The following ZNF169 variants were observed in gnomAD, a reference collection of about 807,000 sequenced individuals.
ZNF169 encodes the protein zinc finger protein 169.
Under a neutral mutation model 12.0 loss-of-function variants are expected in ZNF169, and 11 were observed. The ratio of observed to expected loss-of-function variants is 0.92; its 90% CI spans 0.58 to 1.52. The LOEUF (loss-of-function observed/expected upper bound fraction) is 1.52, where lower values mean the gene tolerates loss of function less well. Among genes scored for constraint, ZNF169 ranks in the 40% most tolerant of loss-of-function variants. ZNF169 has a pLI of 0.00. For missense variants in ZNF169, 722 were observed against 744.0 expected (o/e 0.97, Z 0.34); for synonymous variants, 302 against 286.5 (o/e 1.05, Z -0.55).
In ZNF169 at chr9:94,292,424, C is replaced by T. The variant is rs1318075208; in HGVS notation, c.117C>T (p.Tyr39=). The T allele has an allele frequency of 6.2e-7, 1 of 1,614,138 alleles. No homozygotes were observed. Among genetic ancestry groups the T allele is most frequent in the Non-Finnish European group, 8.5e-7 (1 of 1,180,010 alleles). The change falls in exon 3 of 5, where the codon TAC becomes TAT. Residue 39 remains tyrosine (Y), a synonymous_variant. Coordinates refer to ENST00000395395, the MANE Select transcript of ZNF169 (RefSeq NM_194320.4). ...KLLSSAQRTL[Y]REVMLENYSH... is the part of the protein sequence containing the mutation. ...TGAGTTCTGCTCAGAGGACCCTGTA[C>T]AGGGAGGTGATGCTGGAGAACTACA...
chr9:94,276,614 G>C (rs556389008), intron 1 of ZNF169, among the ~76,000 whole-genome samples: 14 of 151,918 alleles, frequency 9.2e-5, no homozygotes, highest in Non-Finnish European at 1.8e-4. Flanking sequence ...GGGTTGTCTT[G>C]AACTCCTGAC....
At chr9:94,288,128 A>C in intron 2 of ZNF169, 1 of 823,818 alleles carries the variant, frequency 1.2e-6, no homozygotes. Flanking sequence ...CCAGCACCAG[A>C]GCACCCTGGA....
At chr9:94,277,986 T>C (rs1830556089) in intron 1 of ZNF169, among the ~76,000 whole-genome samples, 1 of 151,884 alleles carries the variant, frequency 6.6e-6, no homozygotes, top group African/African-American at 2.4e-5. Flanking sequence ...CCTAACACCA[T>C]TAACAATAAT....
chr9:94,297,895 G>T (rs574622987), intron 4 of ZNF169, among the ~76,000 whole-genome samples: 3 of 152,090 alleles, frequency 2.0e-5, no homozygotes, highest in Admixed American at 2.0e-4. Flanking sequence ...GGCTGGGCGC[G>T]GTGGCTCACG....
Position 94,301,331 on chromosome 9 carries a change from C to T in ZNF169, c.1773C>T (p.Thr591=). The T allele has an allele frequency of 6.2e-7, 1 of 1,613,966 alleles. No individual in the cohort carries two copies. Among genetic ancestry groups the T allele is most frequent in the Non-Finnish European group, 8.5e-7 (1 of 1,179,902 alleles). Reference sequence around the variant, plus strand: ...CTCACTTGCATAGACACAGGAGGACCAAGTCTGGTCATCAGCTCCTACCCC... The same window carrying T: ...CTCACTTGCATAGACACAGGAGGACTAAGTCTGGTCATCAGCTCCTACCCC... ...QKSHLHRHRR[T]KSGHQLLPQE... Residue 591 remains threonine (T), a synonymous_variant, in exon 5 of 5, where the codon ACC becomes ACT. Coordinates refer to ENST00000395395, the MANE Select transcript of ZNF169 (RefSeq NM_194320.4).
chr9:94,281,507 A>G (rs775225119), intron 2 of ZNF169, among the ~76,000 whole-genome samples: 12 of 152,222 alleles, frequency 7.9e-5, no homozygotes, highest in Non-Finnish European at 1.8e-4. Context: ...TATTTTGCCA[A>G]GGTTGAGGAT....
chr9:94,297,167 G>C (rs1431839028), intron 4 of ZNF169, among the ~76,000 whole-genome samples: 1 of 149,798 alleles, frequency 6.7e-6, no homozygotes, highest in Non-Finnish European at 1.5e-5. Flanking sequence ...TAACAAAAAT[G>C]CCTGCTGAGA....
intron 1 of ZNF169, among the ~76,000 whole-genome samples, chr9:94,277,931 C>CAAAAAA: frequency 1.2e-5 from 1 of 86,596 alleles, no homozygotes; most frequent in Non-Finnish European, 2.4e-5. Context: ...GACTCCGACT[C>CAAAAAA]AAAAAAAAAA....
intron 2 of ZNF169, among the ~76,000 whole-genome samples, chr9:94,291,689 G>A (rs549547195): frequency 1.2e-4 from 19 of 152,280 alleles, no homozygotes; most frequent in African/African-American, 4.6e-4. Flanking sequence ...TATGGTCACT[G>A]AAGTTAAAAT....
chr9:94,293,285 G>T (rs896646577), intron 4 of ZNF169: 3 of 598,716 alleles, frequency 5.0e-6, no homozygotes, highest in Non-Finnish European at 3.0e-6. Context: ...CCATCAGGGA[G>T]CCTCACTCCT....
At chr9:94,295,844 C>G (rs902176853) in intron 4 of ZNF169, 1 of 152,066 alleles carries the variant, frequency 6.6e-6, no homozygotes, top group South Asian at 2.1e-4. Context: ...TTTAAGCATG[C>G]AAGTTTTTGT....
Position 94,264,698 on chromosome 9 carries a change from G to A in ZNF169, c.-56+5353G>A, listed in dbSNP as rs554186085. Among the ~76,000 whole-genome samples the A allele has an allele frequency of 5.3e-5, 8 of 152,120 alleles. No individual in the cohort carries two copies. The South Asian group carries it at 6.2e-4, about 12-fold the overall frequency. On this transcript the variant is annotated intron_variant, in intron 1 of 4. Transcript: ENST00000395395. ...ATCACAACTCTTAAGTGTACAATTC[G>A]ATGAGTTTTAAGTAATGTATATTGT...
intron 1 of ZNF169, among the ~76,000 whole-genome samples, chr9:94,270,754 T>TTTAC (rs1830385376): frequency 1.1e-5 from 1 of 92,248 alleles, no homozygotes; most frequent in Admixed American, 1.8e-4. Flanking sequence ...ATTTATATAA[T>TTTAC]ATATAAATAT....
At chr9:94,265,094 A>T (rs1311633672) in intron 1 of ZNF169, among the ~76,000 whole-genome samples, 2 of 142,694 alleles carry the variant, frequency 1.4e-5, no homozygotes, top group African/African-American at 5.1e-5. Flanking sequence ...GTTTAACATT[A>T]AAAAAAACCT....
chr9:94,296,051 T>C (rs568305084), intron 4 of ZNF169, among the ~76,000 whole-genome samples: 1 of 152,352 alleles, frequency 6.6e-6, no homozygotes, highest in South Asian at 2.1e-4. Context: ...CTTGGCTTGG[T>C]TATTAATTTC....
chr9:94,270,784 AAT>A (rs1306055539), intron 1 of ZNF169, among the ~76,000 whole-genome samples: 1 of 54,126 alleles, frequency 1.8e-5, no homozygotes, highest in African/African-American at 5.4e-5. Context: ...ATATTATATA[AAT>A]ATATATAAAT....
intron 4 of ZNF169, chr9:94,299,501 C>G (rs1268120181): frequency 7.9e-7 from 1 of 1,269,864 alleles, no homozygotes; most frequent in South Asian, 3.2e-5. Flanking sequence ...ACAAATGTTT[C>G]TCAGGCAAGG....
intron 1 of ZNF169, among the ~76,000 whole-genome samples, chr9:94,272,801 TAGTGG>T (rs1830446467): frequency 6.6e-6 from 1 of 152,178 alleles, no homozygotes; most frequent in Non-Finnish European, 1.5e-5. Flanking sequence ...CTGTTTTCTG[TAGTGG>T]CTACACCATT....
chr9:94,264,820 G>T (rs757867998), intron 1 of ZNF169, among the ~76,000 whole-genome samples: 2 of 151,902 alleles, frequency 1.3e-5, no homozygotes, highest in Non-Finnish European at 2.9e-5. Context: ...CTGCCTTCTT[G>T]TTACTTGATC....
Sources: gnomAD v4.1 joint callset for allele counts (sites outside exome capture counted in the v4.1 genomes callset) on GRCh38, gnomAD v4.1.1 for gene constraint, MANE v1.5 for transcripts, NCBI Gene and HGNC (gene_info 2026-07-23, HGNC 2026-07-21) for gene names.